Variants in NBAS observed in about 807,000 individuals in gnomAD.
The protein encoded by NBAS is NBAS subunit of NRZ tethering complex, also known as NAG/BC035112 fusion.
Under a neutral mutation model 302.5 loss-of-function variants are expected in NBAS, and 219 were observed. That is an observed-to-expected ratio of 0.72 (90% CI 0.65 to 0.81). The LOEUF (loss-of-function observed/expected upper bound fraction) is 0.81. NBAS is among the 30% of genes least tolerant of loss of function. NBAS has a pLI of 0.00. For missense variants in NBAS, 2,932 were observed against 2,841.6 expected (o/e 1.03, Z -0.72); for synonymous variants, 1,118 against 1,021.6 (o/e 1.09, Z -1.80).
chr2:14,975,074 C>T, the NBAS span, among the ~76,000 whole-genome samples: 3 of 152,122 alleles, frequency 2.0e-5, no homozygotes, highest in African/African-American at 7.2e-5. Context: ...ACCAGGATGT[C>T]GGTCCTCCAA....
the NBAS span, among the ~76,000 whole-genome samples, chr2:14,884,841 C>A: frequency 6.6e-6 from 1 of 152,132 alleles, no homozygotes; most frequent in South Asian, 2.1e-4. Context: ...AGAAGAGATG[C>A]CTTTGAGCTG....
chr2:15,195,886 G>A (rs533364011), intron 48 of NBAS, among the ~76,000 whole-genome samples: 159 of 152,294 alleles, frequency 1.0e-3, no homozygotes, highest in African/African-American at 3.6e-3. Flanking sequence ...AACACACTGC[G>A]CACACAGCCC....
At chr2:15,155,158 G>A in the NBAS span, among the ~76,000 whole-genome samples, 9 of 152,252 alleles carry the variant, frequency 5.9e-5, no homozygotes, top group African/African-American at 2.2e-4. Context: ...TAGCATCTCT[G>A]GGCAAGTCTT....
intron 50 of NBAS, among the ~76,000 whole-genome samples, chr2:15,184,864 C>T (rs898008436): frequency 3.9e-5 from 6 of 152,156 alleles, no homozygotes; most frequent in African/African-American, 1.4e-4. Flanking sequence ...TACAGTAAAA[C>T]CAAACCGATA....
the NBAS span, among the ~76,000 whole-genome samples, chr2:14,904,145 G>C: frequency 6.6e-6 from 1 of 152,234 alleles, no homozygotes; most frequent in Non-Finnish European, 1.5e-5. Context: ...ATTAGTCAGA[G>C]TTCTACAGAG....
chr2:15,170,253 T>G (rs949260124), intron 51 of NBAS, among the ~76,000 whole-genome samples: 2 of 152,182 alleles, frequency 1.3e-5, no homozygotes, highest in African/African-American at 4.8e-5. Context: ...TTCTATCCAG[T>G]GCAACCAAAT....
chr2:14,926,552 A>G, the NBAS span, among the ~76,000 whole-genome samples: 815 of 152,328 alleles, frequency 5.4e-3, 6 homozygotes, highest in African/African-American at 0.018. Context: ...TCAATAAAAG[A>G]GAGGTTTTTT....
Position 15,473,231 on chromosome 2 carries a change from C to T in NBAS, c.1716G>A (p.Gln572=), listed in dbSNP as rs111515025. Residue 572 remains glutamine, a synonymous_variant, in exon 16 of 52, where the codon CAG becomes CAA. Transcript: ENST00000281513. Reference sequence around the variant, plus strand: ...AAATATTTAAACATACCAAATAATTCTGAATTGAAGCAACGTTGACCGCTG... The same window carrying T: ...AAATATTTAAACATACCAAATAATTTTGAATTGAAGCAACGTTGACCGCTG... ...RKSAVNVASI[Q]NYLSKIKKRS... The T allele has an allele frequency of 1.5e-5, 24 of 1,613,940 alleles. No homozygotes were observed. The African/African-American group carries it at 2.3e-4, about 15-fold the overall frequency.
chr2:14,791,460 T>C, the NBAS span, among the ~76,000 whole-genome samples: 1 of 152,012 alleles, frequency 6.6e-6, no homozygotes, highest in African/African-American at 2.4e-5. Flanking sequence ...ATTCACTGGG[T>C]GTAAAATTTT....
chr2:14,987,616 A>G, the NBAS span, among the ~76,000 whole-genome samples: 1 of 152,134 alleles, frequency 6.6e-6, no homozygotes, highest in Non-Finnish European at 1.5e-5. Context: ...CTTTGTCAAA[A>G]TATCAAACAA....
intron 9 of NBAS, among the ~76,000 whole-genome samples, chr2:15,527,257 T>C (rs1662954741): frequency 6.6e-6 from 1 of 152,240 alleles, no homozygotes; most frequent in African/African-American, 2.4e-5. Flanking sequence ...GCTCATATAC[T>C]ATTTGCTGTG....
intron 14 of NBAS, 34 bp downstream of exon 14, chr2:15,475,653 T>C (rs764755618): frequency 6.2e-7 from 1 of 1,603,056 alleles, no homozygotes; most frequent in Non-Finnish European, 8.5e-7. Context: ...GTTAAATACA[T>C]AACTATTCTC....
chr2:15,101,308 G>C, the NBAS span, among the ~76,000 whole-genome samples: 1 of 152,010 alleles, frequency 6.6e-6, no homozygotes. Flanking sequence ...AAAAAAGTGA[G>C]AGCAAAGAAA....
At chr2:15,166,757 T>C (rs1402269111), downstream of NBAS, among the ~76,000 whole-genome samples, 3 of 152,066 alleles carry the variant, frequency 2.0e-5, no homozygotes, top group Non-Finnish European at 4.4e-5. Flanking sequence ...CTTGCTGAAC[T>C]ACAGTTGTGG....
At chr2:15,094,480 G>A in the NBAS span, among the ~76,000 whole-genome samples, 7 of 152,078 alleles carry the variant, frequency 4.6e-5, no homozygotes, top group East Asian at 1.2e-3. Context: ...ATTAGATATT[G>A]TAGAGCCATA....
At chr2:15,098,297 C>T in the NBAS span, among the ~76,000 whole-genome samples, 135 of 1,966 alleles carry the variant, frequency 0.069, 55 homozygotes, top group African/African-American at 0.21. Flanking sequence ...ATATTATATA[C>T]AATATATAAT....
At chr2:15,032,598 G>A in the NBAS span, among the ~76,000 whole-genome samples, 2 of 152,094 alleles carry the variant, frequency 1.3e-5, no homozygotes, top group Admixed American at 6.5e-5. Flanking sequence ...TAAGCAAGAA[G>A]GAACTAGAAC....
At chr2:15,385,947 G>T (rs532170796) in intron 28 of NBAS, among the ~76,000 whole-genome samples, 5 of 152,290 alleles carry the variant, frequency 3.3e-5, no homozygotes, top group African/African-American at 1.2e-4. Context: ...ATGCTTTCCT[G>T]CTGAAAAGTA....
chr2:15,024,288 C>CA, the NBAS span, among the ~76,000 whole-genome samples: 59 of 150,466 alleles, frequency 3.9e-4, no homozygotes, highest in Middle Eastern at 6.9e-3. Context: ...AATGTTCCTG[C>CA]AAAAAAAAAA....
Sources: allele counts gnomAD v4.1 joint callset (sites outside exome capture counted in the v4.1 genomes callset), GRCh38; gene constraint gnomAD v4.1.1; transcripts MANE v1.5; gene names NCBI Gene and HGNC (gene_info 2026-07-23, HGNC 2026-07-21).